The following CHRM2 variants were observed in gnomAD, a reference collection of about 807,000 sequenced individuals.
CHRM2 encodes the protein cholinergic receptor muscarinic 2.
A neutral mutation model predicts 25.0 loss-of-function variants in CHRM2; 8 were observed. The observed-to-expected ratio is 0.32, with a 90% CI of 0.19 to 0.58. CHRM2 has a LOEUF of 0.58. CHRM2 is among the 20% of genes least tolerant of loss of function. The pLI, the probability that CHRM2 is intolerant of heterozygous loss-of-function variation, is 0.88. For missense variants in CHRM2, 440 were observed against 567.1 expected (o/e 0.78, Z 2.28); for synonymous variants, 202 against 205.7 (o/e 0.98, Z 0.15).
chr7:136,988,377 T>A (rs1275550855), intron 2 of CHRM2, among the ~76,000 whole-genome samples: 1 of 152,108 alleles, frequency 6.6e-6, no homozygotes, highest in African/African-American at 2.4e-5. Context: ...CAAATTTGAG[T>A]CAGTAATTAC....
intron 3 of CHRM2, among the ~76,000 whole-genome samples, chr7:137,000,269 G>A (rs937248481): frequency 4.3e-5 from 6 of 139,046 alleles, no homozygotes; most frequent in African/African-American, 1.6e-4. Context: ...CGCAATCTCG[G>A]CTCACTGCAA....
At chr7:137,014,382 T>C (rs1034555971) in intron 3 of CHRM2, among the ~76,000 whole-genome samples, 16 of 152,038 alleles carry the variant, frequency 1.1e-4, no homozygotes, top group Admixed American at 3.9e-4. Context: ...ATATTATACA[T>C]TCTATGCTTT....
intron 2 of CHRM2, among the ~76,000 whole-genome samples, chr7:136,942,193 C>G (rs1387261535): frequency 1.3e-5 from 2 of 152,126 alleles, no homozygotes; most frequent in Non-Finnish European, 2.9e-5. Flanking sequence ...TATTTGAGGT[C>G]TGTTGTTTTT....
At chr7:136,880,246 T>C (rs1222654294) in intron 2 of CHRM2, among the ~76,000 whole-genome samples, 2 of 151,890 alleles carry the variant, frequency 1.3e-5, no homozygotes, top group East Asian at 3.9e-4. Context: ...TTCCTATATT[T>C]TGGCATCTCT....
intron 2 of CHRM2, among the ~76,000 whole-genome samples, chr7:136,988,121 C>A (rs1165332680): frequency 6.6e-6 from 1 of 150,784 alleles, no homozygotes; most frequent in Non-Finnish European, 1.5e-5. Context: ...ATATATAAAA[C>A]AATGTATCAT....
At chr7:136,875,468 G>C (rs1363423434) in intron 2 of CHRM2, among the ~76,000 whole-genome samples, 2 of 151,886 alleles carry the variant, frequency 1.3e-5, no homozygotes, top group African/African-American at 2.4e-5. Context: ...TCCCTCAGAG[G>C]CTTCCCTGGA....
At chr7:136,933,041 A>AATAAATAC (rs987018758) in intron 2 of CHRM2, among the ~76,000 whole-genome samples, 1 of 111,926 alleles carries the variant, frequency 8.9e-6, no homozygotes, top group African/African-American at 2.7e-5. Context: ...AAAATAAATA[A>AATAAATAC]ATAAATACAT....
chr7:136,916,185 G>A (rs919693688), intron 2 of CHRM2, among the ~76,000 whole-genome samples: 1 of 151,812 alleles, frequency 6.6e-6, no homozygotes, highest in African/African-American at 2.4e-5. Context: ...ATTATTGGGA[G>A]TGATATAAGT....
intron 2 of CHRM2, among the ~76,000 whole-genome samples, chr7:136,949,459 T>TAAAAAAAAAAAAAAAAAAAAAA (rs386411435): frequency 1.7e-5 from 2 of 120,856 alleles, no homozygotes; most frequent in African/African-American, 6.6e-5. Flanking sequence ...TCTGCAAAAC[T>TAAAAAAAAAAAAAAAAAAAAAA]AAAAAAAAAA....
intron 2 of CHRM2, chr7:136,872,051 C>T (rs1341298114): frequency 2.0e-5 from 3 of 152,128 alleles, no homozygotes; most frequent in African/African-American, 7.2e-5. Context: ...GAGGTGAGAA[C>T]TCCAGCCAAA....
chr7:136,968,227 C>T (rs1254611649), intron 2 of CHRM2, among the ~76,000 whole-genome samples: 1 of 151,978 alleles, frequency 6.6e-6, no homozygotes, highest in African/African-American at 2.4e-5. Flanking sequence ...TCTCTCTGTT[C>T]CCCATCCCAC....
At chr7:136,940,261 G>A (rs1274501679) in intron 2 of CHRM2, among the ~76,000 whole-genome samples, 4 of 152,228 alleles carry the variant, frequency 2.6e-5, no homozygotes, top group African/African-American at 9.6e-5. Flanking sequence ...TTCAGATGCT[G>A]TAAAGCCATG....
chr7:136,996,964 A>G (rs1312939685), intron 3 of CHRM2, among the ~76,000 whole-genome samples: 3 of 152,168 alleles, frequency 2.0e-5, no homozygotes, highest in Non-Finnish European at 4.4e-5. Flanking sequence ...GTGTTTCTTT[A>G]TAATTCTAAA....
intron 2 of CHRM2, among the ~76,000 whole-genome samples, chr7:136,963,531 G>A (rs1218721444): frequency 6.6e-6 from 1 of 152,144 alleles, no homozygotes; most frequent in Non-Finnish European, 1.5e-5. Context: ...CAGATGGTTT[G>A]TTTTCAAGGA....
In CHRM2 at chr7:137,011,608, C is replaced by T. The variant is rs568437738; in HGVS notation, c.-46-3212C>T. On this transcript the variant is annotated intron_variant, in intron 3 of 3. Transcript: ENST00000680005. ...CATCTAGTCCATTCACACTCAAACA[C>T]GAATTGCCTCTGGAAACACCCTCAC... Among the ~76,000 whole-genome samples the T allele has an allele frequency of 1.8e-4, 27 of 152,074 alleles. No homozygotes were observed. In the South Asian group the frequency reaches 3.1e-3, roughly 18 times the overall value.
chr7:136,925,398 C>T (rs1017269523), intron 2 of CHRM2, among the ~76,000 whole-genome samples: 1 of 151,916 alleles, frequency 6.6e-6, no homozygotes, highest in Non-Finnish European at 1.5e-5. Flanking sequence ...ATTTGGGGCT[C>T]AATAAAGTTG....
intron 2 of CHRM2, among the ~76,000 whole-genome samples, chr7:136,962,912 T>C (rs1801189084): frequency 6.6e-6 from 1 of 152,238 alleles, no homozygotes; most frequent in Non-Finnish European, 1.5e-5. Flanking sequence ...GTAGGAATTA[T>C]GGTGGATACA....
chr7:136,965,525 G>A (rs775303745), intron 2 of CHRM2, among the ~76,000 whole-genome samples: 1 of 151,782 alleles, frequency 6.6e-6, no homozygotes, highest in Non-Finnish European at 1.5e-5. Context: ...AAACAGAAAA[G>A]GCACACATAA....
At chr7:136,952,580 T>A (rs1435029873) in intron 2 of CHRM2, among the ~76,000 whole-genome samples, 1 of 20,090 alleles carries the variant, frequency 5.0e-5, no homozygotes, top group African/African-American at 2.8e-4. Context: ...TTTTAAAACT[T>A]TTTTTTTTAA....
Sources: allele counts gnomAD v4.1 joint callset (sites outside exome capture counted in the v4.1 genomes callset), GRCh38; gene constraint gnomAD v4.1.1; transcripts MANE v1.5; gene names NCBI Gene and HGNC (gene_info 2026-07-23, HGNC 2026-07-21).